PSKH2: variants seen among roughly 807,000 people sequenced by gnomAD.
The protein encoded by PSKH2 is serine/threonine-protein kinase H2.
A neutral mutation model predicts 22.5 loss-of-function variants in PSKH2; 16 were observed. The ratio of observed to expected loss-of-function variants is 0.71; its 90% CI spans 0.48 to 1.08. The LOEUF (loss-of-function observed/expected upper bound fraction) is 1.08, where lower values mean the gene tolerates loss of function less well. Among genes scored for constraint, PSKH2 ranks in the 50% least tolerant of loss-of-function variants. The probability of loss-of-function intolerance (pLI) is 0.00; values close to 1 mark genes in which losing one functional copy is unlikely to be tolerated. For missense variants in PSKH2, 516 were observed against 492.8 expected, an observed-to-expected ratio of 1.05 and a Z score of -0.44; for synonymous variants, 188 against 184.8, an observed-to-expected ratio of 1.02 and a Z score of -0.14.
Position 86,064,495 on chromosome 8 carries a change from C to G in PSKH2, c.322G>C (p.Glu108Gln). The change falls in exon 2 of 3, where the codon GAG (glutamate) becomes CAG (glutamine). Residue 108 changes from glutamate to glutamine, a missense_variant. Coordinates refer to ENST00000276616, the MANE Select transcript of PSKH2 (RefSeq NM_033126.3). ...EREGREACVS[E>Q]LSVLRRVSHR... ...CTAACCCGCCGCAGGACGCTCAGCT[C>G]AGACACGCACGCTTCTCTACCTTCC... The G allele has an allele frequency of 6.2e-7, 1 of 1,614,030 alleles. No individual in the cohort carries two copies. The highest frequency in any genetic ancestry group is 8.5e-7 in the Non-Finnish European group (1 of 1,179,998).
chr8:86,049,224 T>C (rs59792311), intron 2 of PSKH2, among the ~76,000 whole-genome samples: 4,070 of 152,100 alleles, frequency 0.027, 155 homozygotes, highest in African/African-American at 0.089. Context: ...AAGGGGAAAG[T>C]GGAATGGATT....
chr8:86,057,622 T>C (rs531494398), intron 2 of PSKH2, among the ~76,000 whole-genome samples: 281 of 152,294 alleles, frequency 1.8e-3, no homozygotes, highest in Non-Finnish European at 2.3e-3. Flanking sequence ...CTTGGCCTTA[T>C]GATCCGCCCA....
At chr8:86,050,668 A>G (rs1433554582) in intron 2 of PSKH2, among the ~76,000 whole-genome samples, 1 of 152,212 alleles carries the variant, frequency 6.6e-6, no homozygotes, top group African/African-American at 2.4e-5. Context: ...ACTACAGTTT[A>G]GTGTCCTTTG....
chr8:86,059,607 A>C (rs1157216788), intron 2 of PSKH2, among the ~76,000 whole-genome samples: 1 of 152,144 alleles, frequency 6.6e-6, no homozygotes, highest in Admixed American at 6.5e-5. Context: ...CCCTACTATG[A>C]AGAAACTTGT....
chr8:86,059,451 G>C (rs1380812274), intron 2 of PSKH2, among the ~76,000 whole-genome samples: 2 of 152,116 alleles, frequency 1.3e-5, no homozygotes, highest in African/African-American at 4.8e-5. Flanking sequence ...GAGGCTCTAG[G>C]GGAAAATGCA....
intron 1 of PSKH2, chr8:86,066,594 A>G (rs1048917861): frequency 3.3e-5 from 5 of 152,130 alleles, no homozygotes; most frequent in Non-Finnish European, 2.9e-5. Context: ...TTTATATCAC[A>G]TATTCAATAC....
intron 2 of PSKH2, among the ~76,000 whole-genome samples, chr8:86,055,995 TG>T (rs1290647240): frequency 6.6e-6 from 1 of 151,866 alleles, no homozygotes; most frequent in African/African-American, 2.4e-5. Flanking sequence ...TGTGTGTGTG[TG>T]TGTGTGTTTA....
intron 2 of PSKH2, among the ~76,000 whole-genome samples, chr8:86,061,260 G>A (rs542421087): frequency 6.6e-6 from 1 of 152,254 alleles, no homozygotes; most frequent in South Asian, 2.1e-4. Context: ...ACTTGCACAT[G>A]AATCCTCTTC....
Position 86,063,966 on chromosome 8 carries a change from T to A in PSKH2, c.851A>T (p.Glu284Val). The A allele has an allele frequency of 6.2e-7, 1 of 1,605,954 alleles. No homozygotes were observed. Among genetic ancestry groups the A allele is most frequent in the Non-Finnish European group, 8.5e-7 (1 of 1,175,490 alleles). ...AGAAATAAAATAATGCTCTCTTACCTCTCCTGTATAATTATATTTGCCTTT... is the reference window on the plus strand; with the variant it reads ...AGAAATAAAATAATGCTCTCTTACCACTCCTGTATAATTATATTTGCCTTT... The part of the protein sequence containing the change: ...ILKGKYNYTG[E>V]PWPSISHLAK... The change falls in exon 2 of 3, where the codon GAG becomes GTG. Residue 284 changes from glutamate to valine, a missense_variant and splice_region_variant. Glu to Val is a moderately radical substitution (Grantham distance 121, BLOSUM62 -2). Transcript: ENST00000276616.
In PSKH2 at chr8:86,049,454, G is replaced by C. The variant is rs559519179; in HGVS notation, c.853-687C>G. Among the ~76,000 whole-genome samples the C allele has an allele frequency of 2.0e-5, 3 of 152,002 alleles. No individual in the cohort carries two copies. In the South Asian group the frequency reaches 6.2e-4, roughly 32 times the overall value. ...CATGTCTGTAATCCCAACTACTCAG[G>C]AAGCTGAGGTGGGAGGATTCCTTCA... On this transcript the variant is annotated intron_variant, in intron 2 of 2. Coordinates refer to ENST00000276616, the MANE Select transcript of PSKH2 (RefSeq NM_033126.3).
rs527546903 is a variant in PSKH2, at chr8:86,048,049, T to C, written c.*413A>G. ...TTCGAGTGTTACCTAGTTAACACTG[T>C]ATACTGGGGCTTAAATAAAAATCAG... is the stretch of plus-strand genomic sequence containing the variant. On this transcript the variant is annotated 3_prime_UTR_variant, in exon 3 of 3. Transcript: ENST00000276616. 1.7e-4 allele frequency among the ~76,000 whole-genome samples: 26 copies of C among 152,322 alleles called. No individual in the cohort carries two copies. The highest frequency in any genetic ancestry group is 6.0e-4 in the African/African-American group (25 of 41,576).
chr8:86,064,783 G>T (rs2130169234), intron 1 of PSKH2, 152 bp from the exon 2 acceptor site: 3 of 695,884 alleles, frequency 4.3e-6, no homozygotes, highest in East Asian at 5.5e-5. Context: ...TTTTTGAAAG[G>T]TACCCCAAAT....
At chr8:86,059,715 G>A (rs1817751613) in intron 2 of PSKH2, among the ~76,000 whole-genome samples, 1 of 152,202 alleles carries the variant, frequency 6.6e-6, no homozygotes, top group Non-Finnish European at 1.5e-5. Flanking sequence ...ACATAAGGTA[G>A]CAATCACAGA....
At chr8:86,049,402 T>C (rs1364809284) in intron 2 of PSKH2, among the ~76,000 whole-genome samples, 1 of 151,670 alleles carries the variant, frequency 6.6e-6, no homozygotes. Flanking sequence ...CTACAAAAAA[T>C]GTAAAAATTA....
intron 2 of PSKH2, among the ~76,000 whole-genome samples, chr8:86,049,700 A>G (rs1200099959): frequency 2.6e-5 from 1 of 39,054 alleles, no homozygotes. Flanking sequence ...GAAAGAAAGA[A>G]AGAAAGAAAG....
chr8:86,062,700 G>A (rs1817797414), intron 2 of PSKH2, among the ~76,000 whole-genome samples: 1 of 152,298 alleles, frequency 6.6e-6, no homozygotes, highest in South Asian at 2.1e-4. Flanking sequence ...CAGCCATGCA[G>A]AACTGTGAGA....
intron 2 of PSKH2, among the ~76,000 whole-genome samples, chr8:86,051,338 T>C (rs1429370505): frequency 6.6e-6 from 1 of 152,132 alleles, no homozygotes; most frequent in Admixed American, 6.6e-5. Context: ...TCCGCCTGCC[T>C]CGGCCGCCCA....
Position 86,053,293 on chromosome 8 carries a change from T to A in PSKH2, c.853-4526A>T, listed in dbSNP as rs111366713. ...CCCATCTCCCCAGCTTGCCACTTGCTGACTCTGTTCTCCCTCCTATTCTGC... is the reference window on the plus strand; with the variant it reads ...CCCATCTCCCCAGCTTGCCACTTGCAGACTCTGTTCTCCCTCCTATTCTGC... On this transcript the variant is annotated intron_variant, in intron 2 of 2. Coordinates refer to ENST00000276616, the MANE Select transcript of PSKH2 (RefSeq NM_033126.3). 3.4e-3 allele frequency among the ~76,000 whole-genome samples: 518 copies of A among 152,310 alleles called. 4 individuals are homozygous for A. Among genetic ancestry groups the A allele is most frequent in the African/African-American group, 0.012 (502 of 41,580 alleles).
intron 2 of PSKH2, among the ~76,000 whole-genome samples, chr8:86,055,030 T>C (rs1331410475): frequency 6.6e-6 from 1 of 152,198 alleles, no homozygotes; most frequent in East Asian, 1.9e-4. Context: ...CTCATTCTTC[T>C]ATGCATAATA....
Sources: gnomAD v4.1 joint callset for allele counts (sites outside exome capture counted in the v4.1 genomes callset) on GRCh38, gnomAD v4.1.1 for gene constraint, MANE v1.5 for transcripts, NCBI Gene and HGNC (gene_info 2026-07-23, HGNC 2026-07-21) for gene names.